PLAAT1: variants seen among roughly 807,000 people sequenced by gnomAD.
The protein encoded by PLAAT1 is phospholipase A and acyltransferase 1.
PLAAT1 carries 13 observed loss-of-function variants against 16.4 expected under a neutral mutation model. The observed-to-expected ratio is 0.79, with a 90% CI of 0.52 to 1.26. The LOEUF (loss-of-function observed/expected upper bound fraction) is 1.26. Ranked by LOEUF, PLAAT1 falls within the 50% of genes most tolerant of loss-of-function variation. The pLI is 0.00. For missense variants in PLAAT1, 218 were observed against 207.8 expected (o/e 1.05, Z -0.30); for synonymous variants, 73 against 78.4 (o/e 0.93, Z 0.36).
In PLAAT1 at chr3:193,263,064, CACAT is replaced by C; in HGVS notation, c.238_241del (p.Tyr80GlufsTer2). 5 of 1,614,152 alleles carry C rather than the reference CACAT, an allele frequency of 3.1e-6. No homozygotes were observed. The highest frequency in any genetic ancestry group is 3.4e-6 in the Non-Finnish European group (4 of 1,180,032). The stretch of plus-strand genomic sequence containing the variant: ...TCTTGAAGGATGTTGTGGGAAATGA[CACAT>C]ACAGAATAAACAATAAATACGATGA... On this transcript the variant is annotated frameshift_variant, in exon 3 of 4. Transcript: ENST00000264735. LOFTEE classifies it high-confidence loss of function.
chr3:193,258,787 G>T (rs1474157151), intron 2 of PLAAT1, among the ~76,000 whole-genome samples: 1 of 151,908 alleles, frequency 6.6e-6, no homozygotes, highest in Non-Finnish European at 1.5e-5. Flanking sequence ...ACCGAAAAAA[G>T]CCCTGGAGCA....
At chr3:193,278,857 C>T (rs950346340), downstream of PLAAT1, among the ~76,000 whole-genome samples, 6 of 152,214 alleles carry the variant, frequency 3.9e-5, no homozygotes, top group Non-Finnish European at 7.4e-5. Flanking sequence ...TCTCACAATA[C>T]GGGGTCCAAG....
At chr3:193,240,922 G>T (rs1311500049), upstream of PLAAT1, among the ~76,000 whole-genome samples, 2 of 152,120 alleles carry the variant, frequency 1.3e-5, no homozygotes, top group East Asian at 3.9e-4. Flanking sequence ...CAACAAAACC[G>T]ATTATCTTTA....
intron 1 of PLAAT1, among the ~76,000 whole-genome samples, chr3:193,253,195 A>G (rs1025437276): frequency 6.6e-6 from 1 of 152,158 alleles, no homozygotes; most frequent in Non-Finnish European, 1.5e-5. Context: ...TAAGTTGCAT[A>G]TTAGCCTTCA....
downstream of PLAAT1, among the ~76,000 whole-genome samples, chr3:193,271,484 T>A (rs553405677): frequency 6.6e-6 from 1 of 152,356 alleles, no homozygotes; most frequent in Admixed American, 6.5e-5. Flanking sequence ...TAAGACTTTT[T>A]TACAAGCCAA....
chr3:193,266,483 A>G (rs1016966954), intron 3 of PLAAT1, among the ~76,000 whole-genome samples: 2 of 152,166 alleles, frequency 1.3e-5, no homozygotes, highest in Non-Finnish European at 2.9e-5. Context: ...AACAAATAGT[A>G]AGAACCTGTC....
chr3:193,257,297 A>G (rs6774666), intron 2 of PLAAT1, among the ~76,000 whole-genome samples: 5,056 of 152,226 alleles, frequency 0.033, 240 homozygotes, highest in African/African-American at 0.098. Flanking sequence ...CTCAGACACA[A>G]TTGTTTCCAG....
chr3:193,248,500 CTT>C (rs1208684571), intron 1 of PLAAT1, among the ~76,000 whole-genome samples: 2 of 152,046 alleles, frequency 1.3e-5, no homozygotes, highest in African/African-American at 4.8e-5. Flanking sequence ...GTTTTCCTCT[CTT>C]GCTTGCTTCC....
chr3:193,263,376 A>G lies in PLAAT1; in HGVS notation c.405+141A>G, dbSNP rs1002748777. 9.2e-6 allele frequency: 7 copies of G among 758,084 alleles called. No homozygotes were observed. The East Asian group carries it at 1.6e-4, about 17-fold the overall frequency. The allele number at this position is 758,084 out of a possible 1,614,324, so 47.0% of individuals were successfully genotyped here. A position where few individuals can be genotyped will look rare whatever the true frequency, so the allele number is the denominator to read the frequency against. On this transcript the variant is annotated intron_variant, in intron 3 of 3. Transcript: ENST00000264735. Reference sequence around the variant, plus strand: ...GATAGAGAATGGACTTGAGTTGTCCAAGGTCCTGCAACAAGTTAATAACCA... The same window carrying G: ...GATAGAGAATGGACTTGAGTTGTCCGAGGTCCTGCAACAAGTTAATAACCA...
At position 193,270,646 on chromosome 3, in the gene PLAAT1, G is replaced by T; in HGVS notation, c.448G>T (p.Val150Phe). 3 of 1,613,790 alleles carry T rather than the reference G, an allele frequency of 1.9e-6. No individual in the cohort carries two copies. Among genetic ancestry groups the T allele is most frequent in the Non-Finnish European group, 2.5e-6 (3 of 1,179,740 alleles). Residue 150 changes from valine to phenylalanine, a missense_variant, in exon 4 of 4, where the codon GTT becomes TTT. Physicochemically the swap from Val to Phe is conservative, Grantham distance 50. Coordinates refer to ENST00000264735, the MANE Select transcript of PLAAT1 (RefSeq NM_020386.5). ...ISTVEFVTAA[V>F]GVFSFLGLFP... ...TACCGTTGAGTTTGTGACAGCTGCT[G>T]TTGGTGTCTTCTCATTCCTGGGCTT... is the stretch of plus-strand genomic sequence containing the variant.
chr3:193,257,817 G>A (rs1296788335), intron 2 of PLAAT1, among the ~76,000 whole-genome samples: 1 of 152,120 alleles, frequency 6.6e-6, no homozygotes, highest in East Asian at 1.9e-4. Context: ...GAGGAACGTG[G>A]AAAAATTACA....
At chr3:193,249,741 A>C (rs1270192679) in intron 1 of PLAAT1, among the ~76,000 whole-genome samples, 1 of 151,880 alleles carries the variant, frequency 6.6e-6, no homozygotes. Flanking sequence ...CCCGTATTCA[A>C]GTTTGCTAAT....
chr3:193,258,236 CA>C (rs765428341), intron 2 of PLAAT1, among the ~76,000 whole-genome samples: 4 of 152,008 alleles, frequency 2.6e-5, no homozygotes, highest in Admixed American at 1.3e-4. Context: ...CACAACTTAC[CA>C]AAATCTTTGG....
chr3:193,274,407 T>C (rs907674513), downstream of PLAAT1, among the ~76,000 whole-genome samples: 1 of 152,238 alleles, frequency 6.6e-6, no homozygotes, highest in Non-Finnish European at 1.5e-5. Flanking sequence ...GATGCCAAAC[T>C]TTGGTGGAAT....
At chr3:193,264,485 G>T (rs1169310961) in intron 3 of PLAAT1, among the ~76,000 whole-genome samples, 1 of 147,398 alleles carries the variant, frequency 6.8e-6, no homozygotes, top group Non-Finnish European at 1.5e-5. Flanking sequence ...TTTTTTTGTT[G>T]TTGTTGTTTG....
chr3:193,244,427 A>G (rs1373643653), intron 1 of PLAAT1, among the ~76,000 whole-genome samples: 1 of 150,336 alleles, frequency 6.7e-6, no homozygotes, highest in African/African-American at 2.5e-5. Context: ...ACTGTTTTTT[A>G]TTTTAGCTAT....
upstream of PLAAT1, among the ~76,000 whole-genome samples, chr3:193,240,712 C>CGT (rs145899216): frequency 5.2e-4 from 72 of 139,090 alleles, no homozygotes; most frequent in South Asian, 1.6e-3. Flanking sequence ...GGCTATCTGG[C>CGT]GTGTGTGTGT....
chr3:193,245,079 C>G (rs1425262950), intron 1 of PLAAT1, among the ~76,000 whole-genome samples: 1 of 152,204 alleles, frequency 6.6e-6, no homozygotes, highest in East Asian at 1.9e-4. Flanking sequence ...TTTTAACAGT[C>G]TTGAAATATG....
downstream of PLAAT1, among the ~76,000 whole-genome samples, chr3:193,272,382 C>G (rs1177533047): frequency 6.6e-6 from 1 of 152,122 alleles, no homozygotes; most frequent in Non-Finnish European, 1.5e-5. Context: ...GCGGAGGTTG[C>G]AGTGAGCCGA....
Sources: allele counts gnomAD v4.1 joint callset (sites outside exome capture counted in the v4.1 genomes callset), GRCh38; gene constraint gnomAD v4.1.1; transcripts MANE v1.5; gene names NCBI Gene and HGNC (gene_info 2026-07-23, HGNC 2026-07-21).